The following PTPRN2 variants were observed in gnomAD, a reference collection of about 807,000 sequenced individuals.
The protein encoded by PTPRN2 is protein tyrosine phosphatase receptor type N2, also known as receptor-type tyrosine-protein phosphatase N2.
A neutral mutation model predicts 118.8 loss-of-function variants in PTPRN2; 74 were observed. The ratio of observed to expected loss-of-function variants is 0.62; its 90% CI spans 0.52 to 0.76. PTPRN2 has a LOEUF of 0.76. PTPRN2 is among the 30% of genes least tolerant of loss of function. The pLI is 0.00. For synonymous variants in PTPRN2, 641 were observed against 608.0 expected, an observed-to-expected ratio of 1.05 and a Z score of -0.80; for missense variants, 1,481 against 1,394.4, an observed-to-expected ratio of 1.06 and a Z score of -0.99.
In PTPRN2 at chr7:157,987,648, T is replaced by G. The variant is rs114181960; in HGVS notation, c.1724-88911A>C. Among the ~76,000 whole-genome samples the G allele has an allele frequency of 0.033, 5,003 of 152,216 alleles. 296 individuals are homozygous for G. Among genetic ancestry groups the G allele is most frequent in the African/African-American group, 0.11 (4,764 of 41,504 alleles). On this transcript the variant is annotated intron_variant, in intron 11 of 22. Coordinates refer to ENST00000389418, the MANE Select transcript of PTPRN2 (RefSeq NM_002847.5). This position sits in a 1 kb window ranked among gnomAD's most constrained non-coding sequence, Gnocchi z 4.3. The stretch of plus-strand genomic sequence containing the variant: ...GGTTTTGTTCACACTGGGTGAACAG[T>G]TGGAATACAGGTTCCTCGGGCCTGT...
At chr7:158,028,717 T>C (rs78770564) in intron 11 of PTPRN2, 1 of 152,284 alleles carries the variant, frequency 6.6e-6, no homozygotes, top group South Asian at 2.1e-4. Flanking sequence ...CTAATTTTTT[T>C]GAACACTGAC....
At chr7:158,018,305 A>T (rs1388017087) in intron 11 of PTPRN2, among the ~76,000 whole-genome samples, 2 of 152,210 alleles carry the variant, frequency 1.3e-5, no homozygotes, top group African/African-American at 4.8e-5. Flanking sequence ...CTGCAGAAGG[A>T]AAAGGCTCTT....
chr7:158,312,745 A>G (rs1801950714), intron 3 of PTPRN2, among the ~76,000 whole-genome samples: 2 of 145,140 alleles, frequency 1.4e-5, no homozygotes, highest in Non-Finnish European at 1.5e-5. Context: ...ACACCTGCAC[A>G]CTCATTCACG....
intron 12 of PTPRN2, among the ~76,000 whole-genome samples, chr7:157,876,141 C>G (rs913347990): frequency 6.6e-6 from 1 of 152,226 alleles, no homozygotes; most frequent in Non-Finnish European, 1.5e-5. Context: ...CGCTCACCCT[C>G]CCTCCTCTCC....
chr7:158,271,949 C>T lies in PTPRN2; in HGVS notation c.277+44870G>A, dbSNP rs544550554. 1.4e-3 allele frequency among the ~76,000 whole-genome samples: 208 copies of T among 152,202 alleles called. 2 individuals carry two copies. Among genetic ancestry groups the T allele is most frequent in the African/African-American group, 4.9e-3 (202 of 41,508 alleles). On this transcript the variant is annotated intron_variant, in intron 3 of 22. Transcript: ENST00000389418. ...GGGTAGGCGGACACAAACCTTCAGT[C>T]GCTATGGCAATTGTGACTAATAAGT... is the stretch of plus-strand genomic sequence containing the variant.
intron 3 of PTPRN2, among the ~76,000 whole-genome samples, chr7:158,249,482 GCACA>G (rs962828767): frequency 7.4e-6 from 1 of 134,688 alleles, no homozygotes; most frequent in South Asian, 2.4e-4. Context: ...TACCACACCT[GCACA>G]CACACACCCT....
intron 9 of PTPRN2, among the ~76,000 whole-genome samples, chr7:158,115,918 C>T (rs1252977119): frequency 6.6e-6 from 1 of 152,200 alleles, no homozygotes; most frequent in Non-Finnish European, 1.5e-5. Flanking sequence ...ATCCCTCACA[C>T]TCCACCCTGT....
chr7:158,470,475 C>T (rs1819772612), intron 2 of PTPRN2, among the ~76,000 whole-genome samples: 1 of 152,146 alleles, frequency 6.6e-6, no homozygotes, highest in African/African-American at 2.4e-5. Flanking sequence ...TCACAGCAGC[C>T]AAATGCTGGG....
chr7:157,936,419 C>T (rs78882520), intron 11 of PTPRN2, among the ~76,000 whole-genome samples: 3,009 of 152,282 alleles, frequency 0.02, 78 homozygotes, highest in East Asian at 0.047. Context: ...CCAGGCCCCG[C>T]GAGCATCCTC....
intron 20 of PTPRN2, among the ~76,000 whole-genome samples, chr7:157,569,366 C>T (rs1029883628): frequency 2.0e-5 from 3 of 152,248 alleles, no homozygotes; most frequent in Non-Finnish European, 2.9e-5. Flanking sequence ...GGCAACCTCC[C>T]GAGCGGAGAG....
At chr7:157,968,289 A>G (rs996231462) in intron 11 of PTPRN2, among the ~76,000 whole-genome samples, 17 of 126,924 alleles carry the variant, frequency 1.3e-4, no homozygotes, top group Non-Finnish European at 2.5e-4. Context: ...TTTCCTAGGA[A>G]TGCAGAGCTT....
chr7:157,809,788 A>G (rs1204278391), intron 12 of PTPRN2, among the ~76,000 whole-genome samples: 2 of 152,084 alleles, frequency 1.3e-5, no homozygotes, highest in South Asian at 2.1e-4. Flanking sequence ...CCGTCAGACA[A>G]TTCATTTCTG....
At chr7:158,145,964 G>A (rs1343189892) in intron 6 of PTPRN2, among the ~76,000 whole-genome samples, 1 of 152,206 alleles carries the variant, frequency 6.6e-6, no homozygotes, top group East Asian at 1.9e-4. Flanking sequence ...ATGGTGACAA[G>A]TGAGGCATGG....
intron 2 of PTPRN2, among the ~76,000 whole-genome samples, chr7:158,479,140 C>T (rs770795027): frequency 6.6e-6 from 1 of 152,012 alleles, no homozygotes; most frequent in Admixed American, 6.6e-5. Context: ...CTGAGAGCTG[C>T]GGCCTAGAAC....
intron 12 of PTPRN2, among the ~76,000 whole-genome samples, chr7:157,798,717 C>CT (rs1171431203): frequency 3.3e-5 from 5 of 152,156 alleles, no homozygotes; most frequent in East Asian, 1.9e-4. Context: ...TTAATTACCT[C>CT]TTTTTTGCCT....
At position 157,763,513 on chromosome 7, in the gene PTPRN2, G is replaced by C. The variant is rs1020814994; in HGVS notation, c.1789-80576C>G. On this transcript the variant is annotated intron_variant, in intron 12 of 22. Transcript: ENST00000389418. The surrounding 1 kb of genome is among the most constrained non-coding windows in gnomAD (Gnocchi z 4.9). ...CACGGCACAGTTGGGGATCCTCTCG[G>C]CTGGGTCCCCAGGGGAGCTGCACAC... Among the ~76,000 whole-genome samples the C allele has an allele frequency of 3.9e-5, 6 of 152,030 alleles. No individual in the cohort carries two copies. The highest frequency in any genetic ancestry group is 1.4e-4 in the African/African-American group (6 of 41,404).
chr7:157,666,996 T>A (rs1383201781), intron 13 of PTPRN2, among the ~76,000 whole-genome samples: 45 of 107,328 alleles, frequency 4.2e-4, no homozygotes, highest in Admixed American at 7.8e-4. Context: ...CACTGATCTC[T>A]GGTGTGTGCA....
intron 1 of PTPRN2, among the ~76,000 whole-genome samples, chr7:158,494,270 C>T (rs904312157): frequency 1.3e-5 from 2 of 152,256 alleles, no homozygotes; most frequent in Non-Finnish European, 2.9e-5. Flanking sequence ...CCAAGGCAGA[C>T]ATGGCCTAAA....
rs1443304025 is a variant in PTPRN2, at chr7:158,557,534, G to A, written c.112+30024C>T. Among the ~76,000 whole-genome samples the A allele has an allele frequency of 3.9e-5, 6 of 152,226 alleles. No homozygotes were observed. The East Asian group carries it at 5.8e-4, about 15-fold the overall frequency. On this transcript the variant is annotated intron_variant, in intron 1 of 22. Transcript: ENST00000389418. Reference sequence around the variant, plus strand: ...AAGCCAGCCAGTCCACAAAGGTCACGGCCGCCGCTCCGCTCAACCCGTGGC... The same window carrying A: ...AAGCCAGCCAGTCCACAAAGGTCACAGCCGCCGCTCCGCTCAACCCGTGGC...
Sources: allele counts gnomAD v4.1 joint callset (sites outside exome capture counted in the v4.1 genomes callset), GRCh38; gene constraint gnomAD v4.1.1; non-coding constraint Gnocchi (gnomAD v3.1); transcripts MANE v1.5; gene names NCBI Gene and HGNC (gene_info 2026-07-23, HGNC 2026-07-21).